Variants in GRIK4 observed in about 807,000 individuals in gnomAD.
GRIK4 encodes the protein glutamate receptor ionotropic, kainate 4.
Under a neutral mutation model 104.9 loss-of-function variants are expected in GRIK4, and 40 were observed. The observed-to-expected ratio is 0.38, with a 90% CI of 0.30 to 0.50. The LOEUF (loss-of-function observed/expected upper bound fraction) is 0.50. GRIK4 is among the 20% of genes least tolerant of loss of function. The pLI is 0.93. For missense variants in GRIK4, 1,047 were observed against 1,308.1 expected, an observed-to-expected ratio of 0.80 and a Z score of 3.08; for synonymous variants, 485 against 524.9, an observed-to-expected ratio of 0.92 and a Z score of 1.04.
chr11:120,590,908 C>G (rs866815668), intron 1 of GRIK4, among the ~76,000 whole-genome samples: 1 of 152,110 alleles, frequency 6.6e-6, no homozygotes, highest in Non-Finnish European at 1.5e-5. Flanking sequence ...AGGGACTTAA[C>G]GAATCCCCGG....
chr11:120,629,823 TC>T (rs1300389566), intron 1 of GRIK4, among the ~76,000 whole-genome samples: 1 of 152,188 alleles, frequency 6.6e-6, no homozygotes, highest in Admixed American at 6.5e-5. Context: ...TGTGATGCCC[TC>T]AGAGGCATCT....
chr11:120,959,304 A>C (rs1944235767), intron 16 of GRIK4, among the ~76,000 whole-genome samples: 1 of 152,224 alleles, frequency 6.6e-6, no homozygotes, highest in Admixed American at 6.5e-5. Context: ...CCATGTAGAC[A>C]TGCCCACTGA....
intron 3 of GRIK4, among the ~76,000 whole-genome samples, chr11:120,662,953 A>G (rs984829298): frequency 2.0e-5 from 3 of 152,154 alleles, no homozygotes; most frequent in Admixed American, 2.0e-4. Flanking sequence ...AGGGCAGGAG[A>G]TACAGCCAAA....
chr11:120,736,816 G>A (rs1338582177), intron 3 of GRIK4, among the ~76,000 whole-genome samples: 1 of 150,216 alleles, frequency 6.7e-6, no homozygotes, highest in Non-Finnish European at 1.5e-5. Flanking sequence ...CACTGAAAAA[G>A]GCCTAGAAAG....
chr11:120,819,407 C>T lies in GRIK4; in HGVS notation c.346-348C>T, dbSNP rs907203151. ...ATTCTAAGGATTATGCTTTCAAGAG[C>T]CAACTGTCTCTCTGCCAGCAGCAGG... On this transcript the variant is annotated intron_variant, in intron 5 of 20. Coordinates refer to ENST00000527524, the MANE Select transcript of GRIK4 (RefSeq NM_014619.5). The surrounding 1 kb of genome is among the most constrained non-coding windows in gnomAD (Gnocchi z 4.3). 6.6e-6 allele frequency among the ~76,000 whole-genome samples: 1 copy of T among 152,340 alleles called. No individual in the cohort carries two copies. The highest frequency in any genetic ancestry group is 1.9e-4 in the East Asian group (1 of 5,184).
chr11:120,819,312 T>C lies in GRIK4; in HGVS notation c.346-443T>C, dbSNP rs77809348. Among the ~76,000 whole-genome samples the C allele has an allele frequency of 7.7e-3, 1,171 of 152,324 alleles. 16 individuals carry two copies. Among genetic ancestry groups the C allele is most frequent in the African/African-American group, 0.027 (1,104 of 41,564 alleles). ...CTGGGCTGGGCTGATGGGACTCTTC[T>C]CTTAGTCCCAGGGTAGCGATTTTTC... On this transcript the variant is annotated intron_variant, in intron 5 of 20. Coordinates refer to ENST00000527524, the MANE Select transcript of GRIK4 (RefSeq NM_014619.5). This position sits in a 1 kb window ranked among gnomAD's most constrained non-coding sequence, Gnocchi z 4.3.
At chr11:120,983,547 C>T (rs951968294) in intron 20 of GRIK4, among the ~76,000 whole-genome samples, 1 of 152,232 alleles carries the variant, frequency 6.6e-6, no homozygotes, top group East Asian at 1.9e-4. Context: ...GCGTGGCACC[C>T]AGCTCTCTTG....
intron 3 of GRIK4, among the ~76,000 whole-genome samples, chr11:120,704,963 A>G (rs940422238): frequency 6.6e-6 from 1 of 152,212 alleles, no homozygotes; most frequent in African/African-American, 2.4e-5. Context: ...TTCTTTCCCT[A>G]GTGAATAGTC....
At chr11:120,629,317 A>G (rs1459455157) in intron 1 of GRIK4, among the ~76,000 whole-genome samples, 1 of 152,222 alleles carries the variant, frequency 6.6e-6, no homozygotes, top group South Asian at 2.1e-4. Flanking sequence ...CATTTGAAAA[A>G]TGAGGACAAT....
At chr11:120,818,644 A>G (rs1953023842) in intron 5 of GRIK4, among the ~76,000 whole-genome samples, 1 of 152,206 alleles carries the variant, frequency 6.6e-6, no homozygotes, top group African/African-American at 2.4e-5. Context: ...ACTTCTCCCA[A>G]AAATTTAAAA....
At chr11:120,957,591 A>ATTGTGTGTGTGTGTGTGTGTGTGTGTG (rs553062830) in intron 16 of GRIK4, among the ~76,000 whole-genome samples, 7 of 136,436 alleles carry the variant, frequency 5.1e-5, no homozygotes, top group Non-Finnish European at 9.3e-5. Context: ...GACAAAACAA[A>ATTGTGTGTGTGTGTGTGTGTGTGTGTG]TGTGTGTGTG....
chr11:120,894,798 G>C (rs1389503726), intron 11 of GRIK4: 1 of 152,240 alleles, frequency 6.6e-6, no homozygotes, highest in Non-Finnish European at 1.5e-5. Context: ...TATGTCTCCT[G>C]CCCACTCCTG....
At chr11:120,634,638 G>A (rs1185360176) in intron 1 of GRIK4, among the ~76,000 whole-genome samples, 1 of 152,132 alleles carries the variant, frequency 6.6e-6, no homozygotes, top group Non-Finnish European at 1.5e-5. Context: ...CTGTCAGATG[G>A]GAGACTTGTT....
At chr11:120,648,103 C>T (rs1296552701) in intron 1 of GRIK4, among the ~76,000 whole-genome samples, 3 of 152,198 alleles carry the variant, frequency 2.0e-5, no homozygotes, top group Non-Finnish European at 4.4e-5. Context: ...CAGGGATGAC[C>T]CACTTGCTTA....
At chr11:120,578,509 C>T (rs142139357) in intron 1 of GRIK4, among the ~76,000 whole-genome samples, 8 of 152,336 alleles carry the variant, frequency 5.3e-5, no homozygotes, top group Non-Finnish European at 8.8e-5. Flanking sequence ...CAACCTTACA[C>T]GTAACACAGC....
Position 120,967,292 on chromosome 11 carries a change from G to T in GRIK4, c.2364G>T (p.Lys788Asn). 1 of 1,613,926 alleles carries T rather than the reference G, an allele frequency of 6.2e-7. No individual in the cohort carries two copies. The highest frequency in any genetic ancestry group is 1.7e-5 in the Admixed American group (1 of 60,004). Residue 788 changes from lysine (K) to asparagine (N), a missense_variant, in exon 19 of 21, where the codon AAG becomes AAT. By Grantham distance (94) the Lys-to-Asn change is moderately conservative (BLOSUM62 0). Coordinates refer to ENST00000527524, the MANE Select transcript of GRIK4 (RefSeq NM_014619.5). This position sits in a 1 kb window ranked among gnomAD's most constrained non-coding sequence, Gnocchi z 4.2. ...AGCGCAAATGGTGGGAAGGAGGGAA[G>T]TGCCCCAAGGAGGAAGATCACAGAG... is the stretch of plus-strand genomic sequence containing the variant. Reference protein sequence around the residue: ...ILKRKWWEGGKCPKEEDHRAK... With the variant: ...ILKRKWWEGGNCPKEEDHRAK...
chr11:120,743,942 T>C (rs552022485), intron 3 of GRIK4, among the ~76,000 whole-genome samples: 98 of 152,302 alleles, frequency 6.4e-4, no homozygotes, highest in African/African-American at 2.2e-3. Context: ...ATCTTCATTG[T>C]AACGAGTAGC....
intron 1 of GRIK4, among the ~76,000 whole-genome samples, chr11:120,644,321 C>T (rs905241340): frequency 2.6e-5 from 4 of 152,100 alleles, no homozygotes; most frequent in African/African-American, 7.2e-5. Context: ...TTCCAGGCAA[C>T]GGGAATGTGG....
At chr11:120,721,453 C>T (rs1276560308) in intron 3 of GRIK4, among the ~76,000 whole-genome samples, 4 of 152,126 alleles carry the variant, frequency 2.6e-5, no homozygotes, top group African/African-American at 4.8e-5. Flanking sequence ...TAGTTTGTTC[C>T]TCACAGTTCC....
Sources: gnomAD v4.1 joint callset for allele counts (sites outside exome capture counted in the v4.1 genomes callset) on GRCh38, gnomAD v4.1.1 for gene constraint, Gnocchi (gnomAD v3.1) non-coding constraint, MANE v1.5 for transcripts, NCBI Gene and HGNC (gene_info 2026-07-23, HGNC 2026-07-21) for gene names.